Variants in MERTK observed in about 807,000 individuals in gnomAD.
MERTK encodes the protein tyrosine-protein kinase Mer.
In MERTK, 69 loss-of-function variants were observed where a neutral mutation model predicts 99.3. That is an observed-to-expected ratio of 0.70 (90% CI 0.57 to 0.85). MERTK has a LOEUF of 0.85. MERTK is among the 40% of genes least tolerant of loss of function. The probability of loss-of-function intolerance (pLI) is 0.00; values close to 1 mark genes in which losing one functional copy is unlikely to be tolerated. For missense variants in MERTK, 1,125 were observed against 1,249.4 expected (o/e 0.90, Z 1.50); for synonymous variants, 426 against 467.6 (o/e 0.91, Z 1.15).
At chr2:111,998,534 A>T (rs1225867228) in intron 10 of MERTK, among the ~76,000 whole-genome samples, 1 of 152,234 alleles carries the variant, frequency 6.6e-6, no homozygotes, top group Admixed American at 6.5e-5. Flanking sequence ...AAAATAGATT[A>T]AAAATGGCAA....
chr2:111,983,496 C>A (rs1676412993), intron 8 of MERTK, among the ~76,000 whole-genome samples: 1 of 152,218 alleles, frequency 6.6e-6, no homozygotes, highest in African/African-American at 2.4e-5. Flanking sequence ...CGAGCAAGCT[C>A]TCTGGCCAGC....
chr2:111,966,092 GA>G (rs1685354108), intron 5 of MERTK, among the ~76,000 whole-genome samples: 1 of 152,254 alleles, frequency 6.6e-6, no homozygotes, highest in African/African-American at 2.4e-5. Context: ...GTGTGTCATA[GA>G]AATTCAAGCA....
chr2:112,014,821 T>C (rs1677184809), intron 15 of MERTK, among the ~76,000 whole-genome samples: 1 of 151,926 alleles, frequency 6.6e-6, no homozygotes, highest in South Asian at 2.1e-4. Flanking sequence ...GTATTTGTAC[T>C]AGAGACGGGG....
chr2:111,953,929 C>T (rs1350009006), intron 4 of MERTK, among the ~76,000 whole-genome samples: 1 of 152,206 alleles, frequency 6.6e-6, no homozygotes, highest in Non-Finnish European at 1.5e-5. Context: ...TGCCCTTCCA[C>T]CACCATGGCC....
At chr2:111,955,392 T>G (rs1227345339) in intron 4 of MERTK, among the ~76,000 whole-genome samples, 3 of 152,122 alleles carry the variant, frequency 2.0e-5, no homozygotes, top group Non-Finnish European at 4.4e-5. Context: ...GACAAAATTT[T>G]GCTAATGGAG....
At chr2:111,944,532 T>TCCTTAAA (rs1684926140) in intron 2 of MERTK, among the ~76,000 whole-genome samples, 2 of 152,176 alleles carry the variant, frequency 1.3e-5, no homozygotes, top group African/African-American at 2.4e-5. Flanking sequence ...TTTAAGGAAT[T>TCCTTAAA]AGCTCACACA....
chr2:111,972,415 C>G (rs1446732382), intron 6 of MERTK, among the ~76,000 whole-genome samples: 1 of 152,134 alleles, frequency 6.6e-6, no homozygotes, highest in African/African-American at 2.4e-5. Context: ...GACGGCAGGT[C>G]TCAGTGACGT....
intron 4 of MERTK, among the ~76,000 whole-genome samples, chr2:111,957,321 C>T (rs985442488): frequency 6.6e-6 from 1 of 151,960 alleles, no homozygotes; most frequent in Non-Finnish European, 1.5e-5. Context: ...GGGTTTTCTA[C>T]CCAACTCAGA....
At chr2:112,027,452 AT>A (rs929946555) in intron 18 of MERTK, among the ~76,000 whole-genome samples, 1 of 152,120 alleles carries the variant, frequency 6.6e-6, no homozygotes, top group African/African-American at 2.4e-5. Context: ...ATCTCAGCCT[AT>A]TGATTCCTAA....
chr2:111,976,781 A>G (rs1573614606), intron 7 of MERTK, among the ~76,000 whole-genome samples: 1 of 151,152 alleles, frequency 6.6e-6, no homozygotes, highest in Non-Finnish European at 1.5e-5. Context: ...TTATGATTCT[A>G]TGTTTAATAT....
intron 1 of MERTK, among the ~76,000 whole-genome samples, chr2:111,920,714 C>A (rs564075297): frequency 6.6e-6 from 1 of 152,066 alleles, no homozygotes; most frequent in African/African-American, 2.4e-5. Flanking sequence ...AGTGCAGTGG[C>A]GTGATCTCAG....
At chr2:111,950,074 T>TTA (rs1214429179) in intron 4 of MERTK, among the ~76,000 whole-genome samples, 1 of 152,078 alleles carries the variant, frequency 6.6e-6, no homozygotes, top group East Asian at 1.9e-4. Context: ...AGTAGCCGAA[T>TTA]TACAGGCACC....
At chr2:111,905,056 T>A (rs1209492387) in intron 1 of MERTK, among the ~76,000 whole-genome samples, 4 of 152,216 alleles carry the variant, frequency 2.6e-5, no homozygotes, top group African/African-American at 9.7e-5. Context: ...GAGAATTCCA[T>A]TAGGATCAGC....
chr2:111,926,425 G>A (rs1279911041), intron 1 of MERTK, among the ~76,000 whole-genome samples: 1 of 152,054 alleles, frequency 6.6e-6, no homozygotes, highest in Non-Finnish European at 1.5e-5. Context: ...AATTGTCAAG[G>A]CTTCAAAGTA....
chr2:111,946,848 C>T (rs1418327033), intron 3 of MERTK, among the ~76,000 whole-genome samples: 1 of 152,166 alleles, frequency 6.6e-6, no homozygotes, highest in Non-Finnish European at 1.5e-5. Flanking sequence ...ATTTATAGCC[C>T]CTTTGGCAAA....
chr2:111,982,091 G>A (rs1270341729), intron 7 of MERTK, among the ~76,000 whole-genome samples: 2 of 148,644 alleles, frequency 1.3e-5, no homozygotes, highest in Admixed American at 6.7e-5. Flanking sequence ...ATAGGGTCTT[G>A]CCCTGTCACC....
chr2:112,009,388 T>C (rs1235245315), intron 14 of MERTK, among the ~76,000 whole-genome samples: 2 of 152,334 alleles, frequency 1.3e-5, no homozygotes, highest in East Asian at 1.9e-4. Context: ...ATAAATGATA[T>C]TATAGCTTCT....
chr2:112,007,928 T>G (rs1263497239), intron 13 of MERTK, among the ~76,000 whole-genome samples: 1 of 152,008 alleles, frequency 6.6e-6, no homozygotes. Flanking sequence ...TGCAGAAAAA[T>G]TGGGCAGAAA....
intron 2 of MERTK, among the ~76,000 whole-genome samples, chr2:111,936,613 A>C (rs948574484): frequency 6.6e-6 from 1 of 152,080 alleles, no homozygotes; most frequent in Admixed American, 6.5e-5. Context: ...ATCTTTGATT[A>C]ATAGGTGTAG....
Sources: allele counts gnomAD v4.1 joint callset (sites outside exome capture counted in the v4.1 genomes callset), GRCh38; gene constraint gnomAD v4.1.1; transcripts MANE v1.5; gene names NCBI Gene and HGNC (gene_info 2026-07-23, HGNC 2026-07-21).